KIAA0825: variants seen among roughly 807,000 people sequenced by gnomAD.
KIAA0825 encodes the protein uncharacterized protein KIAA0825.
In KIAA0825, 119 loss-of-function variants were observed where a neutral mutation model predicts 147.6. That is an observed-to-expected ratio of 0.81 (90% CI 0.69 to 0.94). The LOEUF (loss-of-function observed/expected upper bound fraction) is 0.94, where lower values mean the gene tolerates loss of function less well. Among genes scored for constraint, KIAA0825 ranks in the 40% least tolerant of loss-of-function variants. The pLI is 0.00. For missense variants in KIAA0825, 1,381 were observed against 1,472.7 expected, an observed-to-expected ratio of 0.94 and a Z score of 1.02; for synonymous variants, 470 against 518.1, an observed-to-expected ratio of 0.91 and a Z score of 1.26.
chr5:94,484,215 C>T (rs150318115), intron 6 of KIAA0825, among the ~76,000 whole-genome samples: 20 of 151,724 alleles, frequency 1.3e-4, no homozygotes, highest in African/African-American at 3.9e-4. Context: ...ATTTATTGAT[C>T]GTTTATGATA....
chr5:94,471,404 G>C, intron 9 of KIAA0825, 62 bp downstream of exon 9: 1 of 1,467,348 alleles, frequency 6.8e-7, no homozygotes, highest in Non-Finnish European at 9.1e-7. Context: ...TCATTCCTGT[G>C]ATATCCAAAG....
intron 5 of KIAA0825, among the ~76,000 whole-genome samples, chr5:94,487,090 A>G (rs1402740514): frequency 1.3e-5 from 2 of 152,186 alleles, no homozygotes; most frequent in Non-Finnish European, 2.9e-5. Flanking sequence ...ACTTGCTGAC[A>G]ATTATGCGAG....
intron 20 of KIAA0825, among the ~76,000 whole-genome samples, chr5:94,301,228 A>G (rs1431772422): frequency 3.3e-5 from 5 of 152,124 alleles, no homozygotes; most frequent in Non-Finnish European, 5.9e-5. Flanking sequence ...ATGTGGACAT[A>G]AGTGGTAACT....
intron 20 of KIAA0825, among the ~76,000 whole-genome samples, chr5:94,356,258 C>T (rs918689609): frequency 5.3e-5 from 8 of 152,026 alleles, no homozygotes; most frequent in Non-Finnish European, 1.0e-4. Flanking sequence ...AGCAAAACTA[C>T]AAGTTACTGC....
intron 20 of KIAA0825, among the ~76,000 whole-genome samples, chr5:94,322,887 A>G (rs1364534796): frequency 6.6e-6 from 1 of 151,800 alleles, no homozygotes; most frequent in Non-Finnish European, 1.5e-5. Context: ...TGAGGTGGAA[A>G]GGACAGCAAG....
At chr5:94,263,533 G>A (rs1405319380) in intron 20 of KIAA0825, among the ~76,000 whole-genome samples, 5 of 152,144 alleles carry the variant, frequency 3.3e-5, no homozygotes, top group African/African-American at 1.2e-4. Context: ...TCACCTGTAC[G>A]TGAATGACTC....
At chr5:94,388,687 G>A (rs930603015) in intron 18 of KIAA0825, among the ~76,000 whole-genome samples, 1 of 152,146 alleles carries the variant, frequency 6.6e-6, no homozygotes. Context: ...GAAGAAAATG[G>A]AATGTTCTCC....
intron 20 of KIAA0825, among the ~76,000 whole-genome samples, chr5:94,366,766 G>T (rs936218388): frequency 3.3e-5 from 5 of 152,164 alleles, no homozygotes; most frequent in Non-Finnish European, 7.3e-5. Flanking sequence ...AATTTATTTA[G>T]TAAGGCCATT....
intron 20 of KIAA0825, among the ~76,000 whole-genome samples, chr5:94,235,793 T>C (rs1474845693): frequency 6.6e-6 from 1 of 152,210 alleles, no homozygotes; most frequent in East Asian, 1.9e-4. Flanking sequence ...CCAAAAATCC[T>C]AGGGCCCTTA....
At chr5:94,290,496 G>A (rs1777841084) in intron 20 of KIAA0825, among the ~76,000 whole-genome samples, 1 of 152,120 alleles carries the variant, frequency 6.6e-6, no homozygotes, top group Admixed American at 6.5e-5. Context: ...AGTATCCCAT[G>A]GTGTATATGT....
chr5:94,338,739 G>T (rs1399709014), intron 20 of KIAA0825, among the ~76,000 whole-genome samples: 2 of 151,958 alleles, frequency 1.3e-5, no homozygotes, highest in African/African-American at 4.8e-5. Context: ...ATACCATCTA[G>T]GTTTATAGAT....
intron 5 of KIAA0825, among the ~76,000 whole-genome samples, chr5:94,516,412 C>A (rs1767239863): frequency 6.6e-6 from 1 of 152,156 alleles, no homozygotes; most frequent in Admixed American, 6.5e-5. Flanking sequence ...GAGTTAATAA[C>A]ACTAGCAAAT....
At chr5:94,489,086 T>A (rs1763401597) in intron 5 of KIAA0825, among the ~76,000 whole-genome samples, 1 of 152,230 alleles carries the variant, frequency 6.6e-6, no homozygotes, top group African/African-American at 2.4e-5. Flanking sequence ...GTTGGTTGTA[T>A]GGATGACTTT....
At chr5:94,408,083 T>C (rs904806236) in intron 15 of KIAA0825, among the ~76,000 whole-genome samples, 2 of 152,184 alleles carry the variant, frequency 1.3e-5, no homozygotes, top group African/African-American at 4.8e-5. Context: ...ACAGGGCAAT[T>C]TCCAATAAAA....
At chr5:94,499,347 C>G (rs1056709908) in intron 5 of KIAA0825, among the ~76,000 whole-genome samples, 3 of 152,158 alleles carry the variant, frequency 2.0e-5, no homozygotes, top group Middle Eastern at 3.2e-3. Context: ...AGCATTCCCC[C>G]CTGCATTGTG....
chr5:94,564,429 C>T (rs537264020), intron 2 of KIAA0825, among the ~76,000 whole-genome samples: 84 of 122,306 alleles, frequency 6.9e-4, no homozygotes, highest in African/African-American at 2.5e-3. Context: ...TATCGACTAC[C>T]GGCATGAGCC....
chr5:94,226,739 C>T (rs543209120), intron 20 of KIAA0825, among the ~76,000 whole-genome samples: 139 of 151,808 alleles, frequency 9.2e-4, no homozygotes, highest in African/African-American at 3.2e-3. Flanking sequence ...GGGCAAAGGA[C>T]ATGAACAGAC....
intron 20 of KIAA0825, among the ~76,000 whole-genome samples, chr5:94,375,033 CTTTT>C (rs35435550): frequency 1.5e-5 from 2 of 130,492 alleles, no homozygotes; most frequent in Non-Finnish European, 3.2e-5. Context: ...CTTTCCTTCT[CTTTT>C]TTTTTTTTTT....
chr5:94,588,613 T>C (rs540541984), intron 1 of KIAA0825, among the ~76,000 whole-genome samples: 12 of 152,302 alleles, frequency 7.9e-5, no homozygotes, highest in Admixed American at 7.8e-4. Context: ...GTTCAACCAT[T>C]GTGGAAGTCA....
Sources: allele counts gnomAD v4.1 joint callset (sites outside exome capture counted in the v4.1 genomes callset), GRCh38; gene constraint gnomAD v4.1.1; transcripts MANE v1.5; gene names NCBI Gene and HGNC (gene_info 2026-07-23, HGNC 2026-07-21).